Variants in PEAK3 observed in about 807,000 individuals in gnomAD.
The protein encoded by PEAK3 is protein PEAK3.
In PEAK3, 15 loss-of-function variants were observed where a neutral mutation model predicts 13.3. The observed-to-expected ratio is 1.13, with a 90% CI of 0.75 to 1.73. The LOEUF is 1.73. Ranked by LOEUF, PEAK3 falls within the 40% of genes most tolerant of loss-of-function variation. The probability of loss-of-function intolerance (pLI) is 0.00; values close to 1 mark genes in which losing one functional copy is unlikely to be tolerated. For missense variants in PEAK3, 739 were observed against 690.2 expected, an observed-to-expected ratio of 1.07 and a Z score of -0.79; for synonymous variants, 347 against 341.9, an observed-to-expected ratio of 1.01 and a Z score of -0.17.
intron 2 of PEAK3, among the ~76,000 whole-genome samples, chr19:2,280,451 C>A (rs12460460): frequency 0.11 from 16,599 of 151,864 alleles, 1,301 homozygotes; most frequent in East Asian, 0.34. Flanking sequence ...CTCAAGGGAT[C>A]CTCCCACCTC....
At chr19:2,280,688 C>T (rs939197257) in intron 2 of PEAK3, among the ~76,000 whole-genome samples, 162 bp downstream of exon 2, 2 of 152,096 alleles carry the variant, frequency 1.3e-5, no homozygotes, top group Non-Finnish European at 1.5e-5. Context: ...TGGCCTACTC[C>T]GGGCCTTCCC....
rs980873573 is a variant in PEAK3, at chr19:2,280,898, C to T, written c.34G>A (p.Glu12Lys). The change falls in exon 2 of 4, where the codon GAG (glutamate) becomes AAG (lysine). Residue 12 changes from glutamate (E) to lysine (K), a missense_variant. Coordinates refer to ENST00000342063, the MANE Select transcript of PEAK3 (RefSeq NM_198532.3). Reference protein sequence around the residue: ...SSPEPPTEPPEPDNPTWSTQP... With the variant: ...SSPEPPTEPPKPDNPTWSTQP... Reference sequence around the variant, plus strand: ...GTCGACCAGGTGGGGTTGTCGGGCTCGGGGGGCTCTGTGGGGGGCTCCGGG... The same window carrying T: ...GTCGACCAGGTGGGGTTGTCGGGCTTGGGGGGCTCTGTGGGGGGCTCCGGG... The T allele has an allele frequency of 8.2e-6, 13 of 1,591,826 alleles. No homozygotes were observed. The highest frequency in any genetic ancestry group is 5.3e-5 in the Admixed American group (3 of 57,114).
At chr19:2,278,014 C>A (rs1303639781) in intron 3 of PEAK3, among the ~76,000 whole-genome samples, 1 of 151,878 alleles carries the variant, frequency 6.6e-6, no homozygotes, top group African/African-American at 2.4e-5. Context: ...CAGGTGCCCA[C>A]CACCACGCCC....
intron 2 of PEAK3, among the ~76,000 whole-genome samples, chr19:2,279,369 G>A (rs80007637): frequency 0.01 from 1,560 of 152,180 alleles, 28 homozygotes; most frequent in African/African-American, 0.036. Context: ...AAAATTTGCC[G>A]GACGCGGCCA....
rs1349531355 is a variant in PEAK3, at chr19:2,275,464, GC to G, written c.*215del. The G allele has an allele frequency of 2.5e-5, 10 of 402,034 alleles. No individual in the cohort carries two copies. The East Asian group carries it at 3.0e-4, about 12-fold the overall frequency. The allele number at this position is 402,034 out of a possible 1,614,324, so 24.9% of individuals were successfully genotyped here. ...TGCCCAACACAGGAGGCGCTGGCCA[GC>G]CCCCAGCCCTGGAGGGGCAGCTGCA... On this transcript the variant is annotated 3_prime_UTR_variant, in exon 4 of 4. Transcript: ENST00000342063.
intron 2 of PEAK3, among the ~76,000 whole-genome samples, chr19:2,280,166 G>C (rs1480659177): frequency 6.9e-6 from 1 of 144,560 alleles, no homozygotes; most frequent in Admixed American, 7.3e-5. Flanking sequence ...AGGTTCAAGC[G>C]ATTCTCCTGC....
chr19:2,276,473 G>T lies in PEAK3; in HGVS notation c.629C>A (p.Ala210Glu). ...CAGGCCCCACGGGTGGGGCACGTCC[G>T]CCCCGGGCTTGGGCACCTGCAAGGC... is the stretch of plus-strand genomic sequence containing the variant. ...ILVAKVPKPG[A>E]DVPHPWGLEL... is the part of the protein sequence containing the mutation. The change falls in exon 4 of 4, where the codon GCG becomes GAG. Residue 210 changes from alanine (A) to glutamate (E), a missense_variant. By Grantham distance (107) the Ala-to-Glu change is moderately radical. Coordinates refer to ENST00000342063, the MANE Select transcript of PEAK3 (RefSeq NM_198532.3). 1 of 1,546,508 alleles carries T rather than the reference G, an allele frequency of 6.5e-7. No individual in the cohort carries two copies.
rs576256261 is a variant in PEAK3 at position 2,279,502 on chromosome 19, AAAAATTAG to A, written c.83-397_83-390del. Among the ~76,000 whole-genome samples the A allele has an allele frequency of 3.5e-3, 537 of 152,022 alleles. 6 individuals carry two copies. Among genetic ancestry groups the A allele is most frequent in the African/African-American group, 0.012 (506 of 41,494 alleles). ...AAACCCCGTCTTTACTAAAAATACA[AAAAATTAG>A]CCGGGCTTGGTGGTGGGCGCCTGTG... On this transcript the variant is annotated intron_variant, in intron 2 of 3. Transcript: ENST00000342063.
Position 2,280,954 on chromosome 19 carries a change from G to A in PEAK3, c.-4-19C>T, listed in dbSNP as rs2025433915. 5.8e-5 allele frequency: 86 copies of A among 1,492,408 alleles called. No homozygotes were observed. Among genetic ancestry groups the A allele is most frequent in the Non-Finnish European group, 7.7e-5 (85 of 1,100,284 alleles). The allele number at this position is 1,492,408 out of a possible 1,614,324, so 92.4% of individuals were successfully genotyped here. On this transcript the variant is annotated intron_variant, in intron 1 of 3. Transcript: ENST00000342063. ...CATGTTGCTGGGGAAAGGTCAAACG[G>A]GGCGTGTGTGGGGTGACCGTGTGCA...
rs1189225849 is a variant in PEAK3 at position 2,282,108 on chromosome 19, T to C, written c.-26A>G. 2 of 152,556 alleles carry C rather than the reference T, an allele frequency of 1.3e-5. No individual in the cohort carries two copies. The highest frequency in any genetic ancestry group is 4.1e-4 in the South Asian group (2 of 4,872). 9.5% of individuals were successfully genotyped at this position (152,556 alleles called of 1,614,324 possible). A position where few individuals can be genotyped will look rare whatever the true frequency, so the allele number is the denominator to read the frequency against. ...CTACCTTCAAGACTGGCGTGCCCTC[T>C]GGGGGAGGAGGGGTCCGTGGGGACA... On this transcript the variant is annotated 5_prime_UTR_variant, in exon 1 of 4. Transcript: ENST00000342063.
Position 2,278,824 on chromosome 19 carries a change from G to A in PEAK3, c.372C>T (p.Ser124=), listed in dbSNP as rs746491499. The A allele has an allele frequency of 6.3e-7, 1 of 1,596,870 alleles. No individual in the cohort carries two copies. Among genetic ancestry groups the A allele is most frequent in the South Asian group, 1.1e-5 (1 of 89,040 alleles). The change falls in exon 3 of 4, where the codon TCC becomes TCT. Residue 124 remains serine, a synonymous_variant. Transcript: ENST00000342063. ...FGPADAPLGL[S]LRDLHSPEAV... is the part of the protein sequence containing the mutation. ...CCTCCGGGCTGTGCAGATCGCGGAGGGAGAGGCCCAGTGGGGCGTCAGCCG... is the reference window on the plus strand; with the variant it reads ...CCTCCGGGCTGTGCAGATCGCGGAGAGAGAGGCCCAGTGGGGCGTCAGCCG...
At chr19:2,278,538 T>G in intron 3 of PEAK3, 46 bp downstream of exon 3, 1 of 1,410,714 alleles carries the variant, frequency 7.1e-7, no homozygotes, top group South Asian at 1.8e-5. Flanking sequence ...ATGTCTAAGA[T>G]GGGGCACTGG....
At position 2,280,188 on chromosome 19, in the gene PEAK3, G is replaced by A. The variant is rs541430339; in HGVS notation, c.82+662C>T. 1.0e-4 allele frequency among the ~76,000 whole-genome samples: 15 copies of A among 148,708 alleles called. No homozygotes were observed. In the South Asian group the frequency reaches 2.8e-3, roughly 28 times the overall value. ...AGCGATTCTCCTGCCTCAGCCTCCCGAGTAGCTGGAATTACAGGCATGCAC... is the reference window on the plus strand; with the variant it reads ...AGCGATTCTCCTGCCTCAGCCTCCCAAGTAGCTGGAATTACAGGCATGCAC... On this transcript the variant is annotated intron_variant, in intron 2 of 3. Coordinates refer to ENST00000342063, the MANE Select transcript of PEAK3 (RefSeq NM_198532.3).
rs1217220261 is a variant in PEAK3, at chr19:2,276,416, T to G, written c.686A>C (p.Asn229Thr). The G allele has an allele frequency of 6.3e-6, 10 of 1,596,590 alleles. No individual in the cohort carries two copies. The highest frequency in any genetic ancestry group is 1.7e-4 in the Middle Eastern group (1 of 6,002). ...CACCAGGCCACACAGCCCCTGCAGA[T>G]TGAAGTGTGGAGACAGGGAGGCCTG... is the stretch of plus-strand genomic sequence containing the variant. ...ELQASLSPHF[N>T]LQGLCGLVPE... Residue 229 changes from asparagine to threonine, a missense_variant, in exon 4 of 4, where the codon AAT (asparagine) becomes ACT (threonine). Physicochemically the swap from Asn to Thr is moderately conservative, Grantham distance 65. Coordinates refer to ENST00000342063, the MANE Select transcript of PEAK3 (RefSeq NM_198532.3).
Position 2,276,176 on chromosome 19 carries a change from T to C in PEAK3, c.926A>G (p.Asn309Ser). 6.5e-7 allele frequency: 1 copy of C among 1,548,928 alleles called. No individual in the cohort carries two copies. Among genetic ancestry groups the C allele is most frequent in the Non-Finnish European group, 8.7e-7 (1 of 1,148,944 alleles). Residue 309 changes from asparagine to serine, a missense_variant, in exon 4 of 4, where the codon AAC becomes AGC. Asn to Ser is a conservative substitution (Grantham distance 46, BLOSUM62 1). Coordinates refer to ENST00000342063, the MANE Select transcript of PEAK3 (RefSeq NM_198532.3). ...GCCCCGAGGTGCCACCAGCAGCAAG[T>C]TCTCCGGCCGCAACTCGACTAGGGC... The part of the protein sequence containing the change: ...GAALVELRPE[N>S]LLLVAPRGCA...
chr19:2,276,680 T>C (rs1043375712), intron 3 of PEAK3, among the ~76,000 whole-genome samples, 191 bp from the exon 4 acceptor site: 37 of 152,196 alleles, frequency 2.4e-4, no homozygotes, highest in Middle Eastern at 3.4e-3. Context: ...AGTAAGGACT[T>C]TCAGGAAAGT....
intron 3 of PEAK3, among the ~76,000 whole-genome samples, chr19:2,277,507 T>C (rs2025401268): frequency 6.6e-6 from 1 of 152,162 alleles, no homozygotes; most frequent in East Asian, 1.9e-4. Context: ...CTTTTCTCTA[T>C]AAATTACCCA....
chr19:2,275,912 G>A lies in PEAK3; in HGVS notation c.1190C>T (p.Ala397Val), dbSNP rs2025380935. 7.3e-7 allele frequency: 1 copy of A among 1,376,140 alleles called. No homozygotes were observed. The highest frequency in any genetic ancestry group is 9.3e-7 in the Non-Finnish European group (1 of 1,072,476). 85.2% of individuals were successfully genotyped at this position (1,376,140 alleles called of 1,614,324 possible). A position where few individuals can be genotyped will look rare whatever the true frequency, so the allele number is the denominator to read the frequency against. The stretch of plus-strand genomic sequence containing the variant: ...CTCAGGCCCGGGCCCCCAGAGCAGC[G>A]CCTGCAGCGCGCCCCGCGTCCGGGA... ...SASRTRGALQ[A>V]LLWGPGPELR... Residue 397 changes from alanine to valine, a missense_variant, in exon 4 of 4, where the codon GCG becomes GTG. Physicochemically the swap from Ala to Val is moderately conservative, Grantham distance 64. Transcript: ENST00000342063.
chr19:2,275,862 C>A lies in PEAK3; in HGVS notation c.1240G>T (p.Gly414Cys). 1 of 1,474,126 alleles carries A rather than the reference C, an allele frequency of 6.8e-7. No individual in the cohort carries two copies. 91.3% of individuals were successfully genotyped at this position (1,474,126 alleles called of 1,614,324 possible). A position where few individuals can be genotyped will look rare whatever the true frequency, so the allele number is the denominator to read the frequency against. The change falls in exon 4 of 4, where the codon GGT becomes TGT. Residue 414 changes from glycine to cysteine, a missense_variant. By Grantham distance (159) the Gly-to-Cys change is radical. Coordinates refer to ENST00000342063, the MANE Select transcript of PEAK3 (RefSeq NM_198532.3). Reference sequence around the variant, plus strand: ...GGCCCGAGCGCTCGGAGCCAGGGACCAAGCGGTGCTCCGCGGCCGCGCAGC... The same window carrying A: ...GGCCCGAGCGCTCGGAGCCAGGGACAAAGCGGTGCTCCGCGGCCGCGCAGC... ...PELRGRGAPLGPWLRALGPWL... is the reference protein window; with the variant it reads ...PELRGRGAPLCPWLRALGPWL...
Sources: gnomAD v4.1 joint callset for allele counts (sites outside exome capture counted in the v4.1 genomes callset) on GRCh38, gnomAD v4.1.1 for gene constraint, MANE v1.5 for transcripts, NCBI Gene and HGNC (gene_info 2026-07-23, HGNC 2026-07-21) for gene names.